Variants in MATN2 observed in about 807,000 individuals in gnomAD.
The protein encoded by MATN2 is matrilin-2.
Under a neutral mutation model 103.2 loss-of-function variants are expected in MATN2, and 69 were observed. That is an observed-to-expected ratio of 0.67 (90% CI 0.55 to 0.82). The LOEUF (loss-of-function observed/expected upper bound fraction) is 0.82, where lower values mean the gene tolerates loss of function less well. Among genes scored for constraint, MATN2 ranks in the 40% least tolerant of loss-of-function variants. The pLI is 0.00. For synonymous variants in MATN2, 429 were observed against 450.2 expected, an observed-to-expected ratio of 0.95 and a Z score of 0.60; for missense variants, 1,023 against 1,211.5, an observed-to-expected ratio of 0.84 and a Z score of 2.31.
chr8:98,014,727 C>T lies in MATN2; in HGVS notation c.1574-1813C>T, dbSNP rs781356706. On this transcript the variant is annotated intron_variant, in intron 10 of 18. Transcript: ENST00000254898. ...CATCAGCCTTCCCAACCCTTAGTTT[C>T]CCTAGCTGGTGAGTGAGAATAACAA... Among the ~76,000 whole-genome samples, 64 of 152,162 alleles carry T rather than the reference C, an allele frequency of 4.2e-4. 1 individual carries two copies. Among genetic ancestry groups the T allele is most frequent in the Non-Finnish European group, 7.5e-4 (51 of 68,030 alleles).
At chr8:97,975,213 G>C (rs1232637896) in intron 5 of MATN2, among the ~76,000 whole-genome samples, 1 of 152,206 alleles carries the variant, frequency 6.6e-6, no homozygotes, top group Non-Finnish European at 1.5e-5. Context: ...CATATGGTCA[G>C]AGGGAATGAA....
At chr8:97,995,911 T>A (rs1179156320) in intron 7 of MATN2, among the ~76,000 whole-genome samples, 2 of 152,184 alleles carry the variant, frequency 1.3e-5, no homozygotes, top group Non-Finnish European at 2.9e-5. Flanking sequence ...TGAAAACAAT[T>A]AGATAAGCTA....
intron 7 of MATN2, among the ~76,000 whole-genome samples, chr8:98,000,466 G>A (rs894535697): frequency 6.6e-6 from 1 of 151,476 alleles, no homozygotes; most frequent in African/African-American, 2.4e-5. Context: ...GTGTGGTAGC[G>A]GGCACCTGTA....
intron 4 of MATN2, among the ~76,000 whole-genome samples, chr8:97,953,130 C>T (rs970773348): frequency 6.6e-6 from 1 of 151,146 alleles, no homozygotes; most frequent in Non-Finnish European, 1.5e-5. Flanking sequence ...GTTCTGTTGC[C>T]CAGGCTGGTC....
intron 2 of MATN2, among the ~76,000 whole-genome samples, chr8:97,895,704 A>G (rs2130008217): frequency 6.6e-6 from 1 of 152,362 alleles, no homozygotes; most frequent in East Asian, 1.9e-4. Flanking sequence ...GCACCTATGA[A>G]AGGCAACTCT....
intron 5 of MATN2, among the ~76,000 whole-genome samples, chr8:97,975,771 T>A (rs1489488878): frequency 5.9e-5 from 9 of 152,182 alleles, no homozygotes; most frequent in Non-Finnish European, 1.5e-5. Context: ...TGTTGACTGC[T>A]AACACGGGCC....
At chr8:97,995,300 A>G (rs1812544903) in intron 7 of MATN2, among the ~76,000 whole-genome samples, 1 of 152,152 alleles carries the variant, frequency 6.6e-6, no homozygotes, top group South Asian at 2.1e-4. Flanking sequence ...AGTGCTTGGC[A>G]CTCATAGATG....
At chr8:97,984,445 T>C (rs933699850) in intron 6 of MATN2, among the ~76,000 whole-genome samples, 4 of 152,222 alleles carry the variant, frequency 2.6e-5, no homozygotes, top group African/African-American at 4.8e-5. Flanking sequence ...TAAATTTTAA[T>C]AGGCATTTGA....
intron 4 of MATN2, among the ~76,000 whole-genome samples, chr8:97,957,590 A>G (rs1811183755): frequency 6.6e-6 from 1 of 152,236 alleles, no homozygotes; most frequent in African/African-American, 2.4e-5. Context: ...GGATGCGAGC[A>G]GTAATCTTGC....
At chr8:97,968,687 T>C (rs553221233) in intron 5 of MATN2, among the ~76,000 whole-genome samples, 1 of 152,366 alleles carries the variant, frequency 6.6e-6, no homozygotes, top group African/African-American at 2.4e-5. Flanking sequence ...ATCTGAGATC[T>C]CATCAGCCTG....
At chr8:97,997,507 C>G (rs16896531) in intron 7 of MATN2, among the ~76,000 whole-genome samples, 19,435 of 152,204 alleles carry the variant, frequency 0.13, 1,368 homozygotes, top group Admixed American at 0.21. Flanking sequence ...CCAACTCTTT[C>G]ACAAGTTAGC....
At chr8:97,965,714 C>T (rs1195401777) in intron 5 of MATN2, among the ~76,000 whole-genome samples, 1 of 152,128 alleles carries the variant, frequency 6.6e-6, no homozygotes, top group Admixed American at 6.5e-5. Context: ...GATGTGGTGG[C>T]TCATGCCTGT....
intron 10 of MATN2, among the ~76,000 whole-genome samples, chr8:98,013,543 T>TTG (rs1813249234): frequency 2.6e-5 from 4 of 152,192 alleles, no homozygotes; most frequent in Non-Finnish European, 5.9e-5. Context: ...ACTGCCAACA[T>TTG]CTCACCTCTG....
At chr8:97,952,362 T>C (rs1462523097) in intron 4 of MATN2, 2 of 152,242 alleles carry the variant, frequency 1.3e-5, no homozygotes, top group African/African-American at 2.4e-5. Context: ...TAAACTGTCA[T>C]TGGTGTCAAC....
chr8:97,965,490 A>G (rs966879221), intron 5 of MATN2, among the ~76,000 whole-genome samples: 1 of 152,170 alleles, frequency 6.6e-6, no homozygotes, highest in Non-Finnish European at 1.5e-5. Context: ...AGAGGGAGAC[A>G]GTAAGGAATG....
intron 6 of MATN2, among the ~76,000 whole-genome samples, chr8:97,993,947 G>A (rs1026983383): frequency 6.6e-6 from 1 of 151,816 alleles, no homozygotes; most frequent in African/African-American, 2.4e-5. Flanking sequence ...TCACAAATTT[G>A]TTTGTTGCAT....
At chr8:97,934,509 T>C (rs1188342459) in intron 3 of MATN2, among the ~76,000 whole-genome samples, 1 of 152,240 alleles carries the variant, frequency 6.6e-6, no homozygotes, top group East Asian at 1.9e-4. Context: ...GGAAGTCTCA[T>C]TTGTTCCTTA....
intron 7 of MATN2, among the ~76,000 whole-genome samples, chr8:98,001,011 CAA>C (rs1812768752): frequency 6.6e-6 from 1 of 152,192 alleles, no homozygotes; most frequent in African/African-American, 2.4e-5. Context: ...GCCACTGAGA[CAA>C]GAGGGTGATG....
chr8:97,956,810 A>G (rs1411349345), intron 4 of MATN2, among the ~76,000 whole-genome samples: 1 of 152,156 alleles, frequency 6.6e-6, no homozygotes, highest in Non-Finnish European at 1.5e-5. Context: ...AGACTTGGAG[A>G]GAATTTTGTT....
Sources: allele counts gnomAD v4.1 joint callset (sites outside exome capture counted in the v4.1 genomes callset), GRCh38; gene constraint gnomAD v4.1.1; transcripts MANE v1.5; gene names NCBI Gene and HGNC (gene_info 2026-07-23, HGNC 2026-07-21).